The following PEBP4 variants were observed in gnomAD, a reference collection of about 807,000 sequenced individuals.
The protein encoded by PEBP4 is phosphatidylethanolamine binding protein 4, also known as phosphatidylethanolamine-binding protein 4.
A neutral mutation model predicts 23.9 loss-of-function variants in PEBP4; 22 were observed. The ratio of observed to expected loss-of-function variants is 0.92; its 90% CI spans 0.66 to 1.31. The LOEUF (loss-of-function observed/expected upper bound fraction) is 1.31, where lower values mean the gene tolerates loss of function less well. Ranked by LOEUF, PEBP4 falls within the 40% of genes most tolerant of loss-of-function variation. The pLI, the probability that PEBP4 is intolerant of heterozygous loss-of-function variation, is 0.00. For missense variants in PEBP4, 324 were observed against 281.7 expected, an observed-to-expected ratio of 1.15 and a Z score of -1.07; for synonymous variants, 112 against 99.3, an observed-to-expected ratio of 1.13 and a Z score of -0.76.
intron 6 of PEBP4, among the ~76,000 whole-genome samples, chr8:22,714,482 A>AT (rs1048186223): frequency 5.3e-5 from 8 of 150,866 alleles, no homozygotes; most frequent in South Asian, 2.1e-4. Context: ...CCTTACATGA[A>AT]TTTTTTTTTC....
chr8:22,865,390 G>A lies in PEBP4; in HGVS notation c.259-47655C>T, dbSNP rs963109172. 2.6e-5 allele frequency among the ~76,000 whole-genome samples: 4 copies of A among 151,092 alleles called. No homozygotes were observed. Among genetic ancestry groups the A allele is most frequent in the African/African-American group, 4.9e-5 (2 of 41,082 alleles). The stretch of plus-strand genomic sequence containing the variant: ...CGGTGGCGGTGGCGGTGGCGGCGGC[G>A]GGACCCCGGGCCTGGCTGCGCGCTC... On this transcript the variant is annotated intron_variant, in intron 3 of 6. Coordinates refer to ENST00000256404, the MANE Select transcript of PEBP4 (RefSeq NM_144962.3). This position sits in a 1 kb window ranked among gnomAD's most constrained non-coding sequence, Gnocchi z 6.9.
intron 3 of PEBP4, among the ~76,000 whole-genome samples, chr8:22,845,839 G>T (rs1418532342): frequency 6.6e-6 from 1 of 152,248 alleles, no homozygotes; most frequent in African/African-American, 2.4e-5. Flanking sequence ...ATCTGGACAA[G>T]CTGCTCAGCT....
chr8:22,727,215 G>A lies in PEBP4; in HGVS notation c.363C>T (p.Ala121=), dbSNP rs1175705869. The change falls in exon 5 of 7, where the codon GCC becomes GCT. Residue 121 remains alanine (A), a synonymous_variant. Coordinates refer to ENST00000256404, the MANE Select transcript of PEBP4 (RefSeq NM_144962.3). ...CCTGAATCTTCCCTTTCTTCAGGTC[G>A]GCGCCCTGAAAGAAGAGACAAGCAG... ...RHWLVTDIKG[A]DLKKGKIQGQ... is the part of the protein sequence containing the mutation. 1.2e-5 allele frequency: 20 copies of A among 1,613,746 alleles called. No individual in the cohort carries two copies. Among genetic ancestry groups the A allele is most frequent in the Middle Eastern group, 1.6e-4 (1 of 6,062 alleles).
At chr8:22,875,075 C>T (rs1808091732) in intron 3 of PEBP4, among the ~76,000 whole-genome samples, 1 of 151,918 alleles carries the variant, frequency 6.6e-6, no homozygotes, top group Non-Finnish European at 1.5e-5. Flanking sequence ...CACAGCCTGA[C>T]CATCCTTTTC....
At position 22,865,046 on chromosome 8, in the gene PEBP4, G is replaced by T. The variant is rs1194816968; in HGVS notation, c.259-47311C>A. ...GAGGGAGGCAGGCGGCGAGGCCAAG[G>T]GGTAGGTCACCAGGCGGGGACCTGC... is the stretch of plus-strand genomic sequence containing the variant. On this transcript the variant is annotated intron_variant, in intron 3 of 6. Coordinates refer to ENST00000256404, the MANE Select transcript of PEBP4 (RefSeq NM_144962.3). This position sits in a 1 kb window ranked among gnomAD's most constrained non-coding sequence, Gnocchi z 6.9. 6.6e-6 allele frequency among the ~76,000 whole-genome samples: 1 copy of T among 152,168 alleles called. No homozygotes were observed. The highest frequency in any genetic ancestry group is 2.4e-5 in the African/African-American group (1 of 41,430).
At chr8:22,875,731 C>G (rs1360653076) in intron 3 of PEBP4, among the ~76,000 whole-genome samples, 1 of 152,026 alleles carries the variant, frequency 6.6e-6, no homozygotes, top group Non-Finnish European at 1.5e-5. Context: ...CCTACCCTTC[C>G]TGCCTGTCAC....
At chr8:22,816,212 G>T (rs1401993163) in intron 4 of PEBP4, among the ~76,000 whole-genome samples, 3 of 152,146 alleles carry the variant, frequency 2.0e-5, no homozygotes, top group African/African-American at 7.2e-5. Flanking sequence ...ATGGTGTTTG[G>T]CCAGGGAAGT....
chr8:22,727,138 C>T (rs1385934141), intron 5 of PEBP4, 37 bp downstream of exon 5: 4 of 1,610,732 alleles, frequency 2.5e-6, no homozygotes, highest in Middle Eastern at 1.7e-4. Flanking sequence ...TCACTGATGC[C>T]CTGGCTGGGG....
chr8:22,883,101 C>T (rs1211797434), intron 3 of PEBP4, among the ~76,000 whole-genome samples: 1 of 152,132 alleles, frequency 6.6e-6, no homozygotes, highest in Non-Finnish European at 1.5e-5. Context: ...GCATGTCTTC[C>T]CACACCTGAT....
chr8:22,916,745 G>A (rs942566205), intron 3 of PEBP4, among the ~76,000 whole-genome samples: 5 of 152,250 alleles, frequency 3.3e-5, no homozygotes, highest in Non-Finnish European at 5.9e-5. Context: ...CATCTGAGGT[G>A]CTGGTGGGGC....
intron 3 of PEBP4, among the ~76,000 whole-genome samples, chr8:22,895,064 T>C (rs79694959): frequency 1.3e-5 from 2 of 152,192 alleles, no homozygotes; most frequent in Non-Finnish European, 2.9e-5. Context: ...GTGCCATTTG[T>C]TTTTTAATAT....
At chr8:22,774,470 C>T (rs1389516577) in intron 4 of PEBP4, among the ~76,000 whole-genome samples, 3 of 152,192 alleles carry the variant, frequency 2.0e-5, no homozygotes, top group African/African-American at 7.2e-5. Context: ...CTCTTCAGAG[C>T]CCCATAGGCA....
intron 3 of PEBP4, among the ~76,000 whole-genome samples, chr8:22,899,460 G>T (rs1285878615): frequency 6.6e-6 from 1 of 152,234 alleles, no homozygotes; most frequent in Non-Finnish European, 1.5e-5. Flanking sequence ...ACATGAAAAG[G>T]AACCTGCTTT....
At chr8:22,782,337 C>A (rs1447996995) in intron 4 of PEBP4, among the ~76,000 whole-genome samples, 1 of 152,204 alleles carries the variant, frequency 6.6e-6, no homozygotes, top group Admixed American at 6.5e-5. Flanking sequence ...TCACAGAGCA[C>A]GTGGGAACCT....
chr8:22,859,169 A>G (rs1807714768), intron 3 of PEBP4, among the ~76,000 whole-genome samples: 1 of 152,156 alleles, frequency 6.6e-6, no homozygotes, highest in African/African-American at 2.4e-5. Context: ...CTATAAAGCA[A>G]ACTACGGCAG....
intron 3 of PEBP4, among the ~76,000 whole-genome samples, chr8:22,860,391 C>G (rs1201574771): frequency 1.3e-5 from 2 of 151,934 alleles, no homozygotes; most frequent in Non-Finnish European, 2.9e-5. Flanking sequence ...TCCCTCTTCC[C>G]TCTCCCCCCA....
At chr8:22,831,707 T>C (rs1468508597) in intron 3 of PEBP4, among the ~76,000 whole-genome samples, 2 of 151,930 alleles carry the variant, frequency 1.3e-5, no homozygotes, top group Non-Finnish European at 2.9e-5. Context: ...CTGCTCAGGG[T>C]GACCAAATAA....
chr8:22,925,755 G>T (rs1364183801), intron 2 of PEBP4, among the ~76,000 whole-genome samples: 1 of 152,098 alleles, frequency 6.6e-6, no homozygotes, highest in Non-Finnish European at 1.5e-5. Flanking sequence ...CCTCCTTAAG[G>T]GGCCCTTATT....
chr8:22,827,386 T>C (rs1258602869), intron 3 of PEBP4, among the ~76,000 whole-genome samples: 1 of 152,230 alleles, frequency 6.6e-6, no homozygotes. Context: ...ATGTATGCAG[T>C]CATTCCTTAT....
Sources: gnomAD v4.1 joint callset for allele counts (sites outside exome capture counted in the v4.1 genomes callset) on GRCh38, gnomAD v4.1.1 for gene constraint, Gnocchi (gnomAD v3.1) non-coding constraint, MANE v1.5 for transcripts, NCBI Gene and HGNC (gene_info 2026-07-23, HGNC 2026-07-21) for gene names.